The following OR1F1 variants were observed in gnomAD, a reference collection of about 807,000 sequenced individuals.
The protein encoded by OR1F1 is olfactory receptor 1F1.
For missense variants in OR1F1, 493 were observed against 376.3 expected, an observed-to-expected ratio of 1.31 and a Z score of -2.57; for synonymous variants, 184 against 156.7, an observed-to-expected ratio of 1.17 and a Z score of -1.30.
Position 3,204,451 on chromosome 16 carries a change from G to T in OR1F1, c.205G>T (p.Val69Leu), listed in dbSNP as rs1438445689. ...CTTCTTCCTCAGCAACCTGTCTTTT[G>T]TGGACATCTGCTTCTCCTTCACCAC... is the stretch of plus-strand genomic sequence containing the variant. The change falls in exon 1 of 1, where the codon GTG becomes TTG. Residue 69 changes from valine to leucine, a missense_variant. Coordinates refer to ENST00000304646, the Ensembl canonical transcript of OR1F1. 3.1e-6 allele frequency: 5 copies of T among 1,613,980 alleles called. No individual in the cohort carries two copies. The African/African-American group carries it at 4.0e-5, about 13-fold the overall frequency.
At chr16:3,193,786 G>A in the OR1F1 span, among the ~76,000 whole-genome samples, 1 of 152,162 alleles carries the variant, frequency 6.6e-6, no homozygotes, top group African/African-American at 2.4e-5. Context: ...TTGTAGAGAC[G>A]GGGTCTCGCT....
the OR1F1 span, among the ~76,000 whole-genome samples, chr16:3,188,865 C>T: frequency 6.6e-6 from 1 of 152,214 alleles, no homozygotes; most frequent in African/African-American, 2.4e-5. Context: ...TCCTCACGTC[C>T]TGGGGACTGG....
chr16:3,198,595 A>T, the OR1F1 span, among the ~76,000 whole-genome samples: 1 of 152,146 alleles, frequency 6.6e-6, no homozygotes, highest in Non-Finnish European at 1.5e-5. Context: ...AGGAGATGAA[A>T]CAAAACAACA....
chr16:3,194,720 CTT>C, the OR1F1 span, among the ~76,000 whole-genome samples: 1 of 152,132 alleles, frequency 6.6e-6, no homozygotes, highest in Non-Finnish European at 1.5e-5. Flanking sequence ...ACAGAGGTCT[CTT>C]TTGGAATTTA....
chr16:3,191,142 C>T, the OR1F1 span: 3 of 152,206 alleles, frequency 2.0e-5, no homozygotes, highest in African/African-American at 7.2e-5. Flanking sequence ...CAGCAGAACT[C>T]TCCTGTTCCT....
chr16:3,191,300 C>G, the OR1F1 span: 1 of 152,232 alleles, frequency 6.6e-6, no homozygotes. Context: ...GAAGGAGCCT[C>G]TGGCGGGTCA....
upstream of OR1F1, among the ~76,000 whole-genome samples, chr16:3,199,387 A>G (rs1317262400): frequency 1.3e-5 from 2 of 151,992 alleles, no homozygotes; most frequent in Non-Finnish European, 2.9e-5. Flanking sequence ...TCATGCCTGT[A>G]ATCCCAGTAT....
At chr16:3,188,419 T>C in the OR1F1 span, 1 of 152,204 alleles carries the variant, frequency 6.6e-6, no homozygotes, top group Non-Finnish European at 1.5e-5. Context: ...CCGGGCTCAT[T>C]GGTCGCTACA....
chr16:3,195,724 C>A, the OR1F1 span, among the ~76,000 whole-genome samples: 2 of 150,034 alleles, frequency 1.3e-5, no homozygotes, highest in Non-Finnish European at 3.0e-5. Flanking sequence ...ACCTCTGATA[C>A]AGAATCCACC....
At chr16:3,196,176 G>A in the OR1F1 span, among the ~76,000 whole-genome samples, 1 of 152,210 alleles carries the variant, frequency 6.6e-6, no homozygotes, top group African/African-American at 2.4e-5. Context: ...AGCCGGTAGA[G>A]CACAAGACTC....
At chr16:3,204,960 C>G in exon 1 of OR1F1, 1 of 1,613,966 alleles carries the variant, frequency 6.2e-7, no homozygotes, top group Non-Finnish European at 8.5e-7. Context: ...GGAAAGCCTT[C>G]TCCACCTGTG....
At chr16:3,197,659 GCT>G in the OR1F1 span, among the ~76,000 whole-genome samples, 1 of 252 alleles carries the variant, frequency 4.0e-3, no homozygotes, top group Middle Eastern at 0.5. Context: ...CTGACTACAA[GCT>G]TAAATGGGCT....
At chr16:3,200,382 G>A (rs578192422), upstream of OR1F1, among the ~76,000 whole-genome samples, 5 of 152,306 alleles carry the variant, frequency 3.3e-5, no homozygotes, top group South Asian at 2.1e-4. Context: ...CGAGAGGGGC[G>A]GATCACTTGA....
chr16:3,197,361 T>G, the OR1F1 span, among the ~76,000 whole-genome samples: 1 of 152,192 alleles, frequency 6.6e-6, no homozygotes, highest in African/African-American at 2.4e-5. Flanking sequence ...ACAAATGTTT[T>G]ATGTCACAAG....
chr16:3,195,676 C>CAA, the OR1F1 span, among the ~76,000 whole-genome samples: 3,854 of 99,146 alleles, frequency 0.039, 122 homozygotes, highest in African/African-American at 0.069. Flanking sequence ...GAGTGGAACT[C>CAA]AAAAAAAAAA....
At chr16:3,192,714 G>A in the OR1F1 span, among the ~76,000 whole-genome samples, 1 of 152,108 alleles carries the variant, frequency 6.6e-6, no homozygotes, top group Admixed American at 6.5e-5. Context: ...GAAAAGCGAG[G>A]TGCAGGGTAG....
chr16:3,191,930 C>T, the OR1F1 span, among the ~76,000 whole-genome samples: 1 of 152,174 alleles, frequency 6.6e-6, no homozygotes, highest in African/African-American at 2.4e-5. Flanking sequence ...CAGGCTTGAG[C>T]TTTATCGCTC....
the OR1F1 span, among the ~76,000 whole-genome samples, chr16:3,196,969 C>T: frequency 5.9e-5 from 9 of 152,020 alleles, no homozygotes; most frequent in Admixed American, 2.0e-4. Context: ...CTCCGCCTGC[C>T]GGCTTCAAGT....
the OR1F1 span, among the ~76,000 whole-genome samples, chr16:3,191,493 C>T: frequency 4.1e-3 from 625 of 152,212 alleles, 6 homozygotes; most frequent in African/African-American, 0.013. Flanking sequence ...TAAAACGTTC[C>T]CAGGGAAGCC....
Sources: allele counts gnomAD v4.1 joint callset (sites outside exome capture counted in the v4.1 genomes callset), GRCh38; gene constraint gnomAD v4.1.1; transcripts MANE v1.5; gene names NCBI Gene and HGNC (gene_info 2026-07-23, HGNC 2026-07-21).